The following CHD6 variants were observed in gnomAD, a reference collection of about 807,000 sequenced individuals.
CHD6 encodes ATP-dependent chromatin remodeler CHD6.
Under a neutral mutation model 276.9 loss-of-function variants are expected in CHD6, and 50 were observed. That is an observed-to-expected ratio of 0.18 (90% CI 0.14 to 0.23). The LOEUF (loss-of-function observed/expected upper bound fraction) is 0.23. Ranked by LOEUF, CHD6 falls within the 10% of genes least tolerant of loss-of-function variation. The pLI is 1.00. For missense variants in CHD6, 2,564 were observed against 3,365.8 expected (o/e 0.76, Z 5.89); for synonymous variants, 1,173 against 1,229.3 (o/e 0.95, Z 0.96).
At chr20:41,428,437 G>T (rs866471757) in intron 27 of CHD6, among the ~76,000 whole-genome samples, 1 of 152,162 alleles carries the variant, frequency 6.6e-6, no homozygotes, top group Admixed American at 6.5e-5. Flanking sequence ...TGATTAACTT[G>T]AAAGAAATGT....
chr20:41,520,910 C>T (rs1032437933), intron 3 of CHD6, among the ~76,000 whole-genome samples: 7 of 152,000 alleles, frequency 4.6e-5, no homozygotes, highest in African/African-American at 1.7e-4. Flanking sequence ...GTATAATATG[C>T]TACCTTTTGT....
intron 2 of CHD6, among the ~76,000 whole-genome samples, chr20:41,540,713 G>T (rs534159121): frequency 6.6e-6 from 1 of 152,162 alleles, no homozygotes; most frequent in Non-Finnish European, 1.5e-5. Context: ...CCTGCTGCTG[G>T]CTGGCTTTGG....
chr20:41,427,077 T>C (rs2047387588), intron 27 of CHD6, among the ~76,000 whole-genome samples: 1 of 152,068 alleles, frequency 6.6e-6, no homozygotes, highest in Non-Finnish European at 1.5e-5. Flanking sequence ...GAATGGTTCT[T>C]ACGTTTTTAA....
intron 4 of CHD6, among the ~76,000 whole-genome samples, chr20:41,514,217 T>C (rs1334415726): frequency 6.6e-6 from 1 of 152,190 alleles, no homozygotes; most frequent in Non-Finnish European, 1.5e-5. Flanking sequence ...CTCAGATAAA[T>C]TGCTAAGAAT....
At position 41,484,532 on chromosome 20, in the gene CHD6, G is replaced by A; in HGVS notation, c.2077C>T (p.Pro693Ser). The change falls in exon 15 of 37, where the codon CCC becomes TCC. Residue 693 changes from proline (P) to serine (S), a missense_variant. This residue lies in a region of CHD6 where 457 missense variants were observed against 889.0 expected (regional missense o/e 0.51). Transcript: ENST00000373233. ...LKDDVEKNLA[P>S]KQETIIEVEL... ...ACCTCAATGATCGTCTCTTGTTTGGGAGCAAGGTTCTTTTCCACATCATCT... is the reference window on the plus strand; with the variant it reads ...ACCTCAATGATCGTCTCTTGTTTGGAAGCAAGGTTCTTTTCCACATCATCT... The A allele has an allele frequency of 1.2e-6, 2 of 1,613,878 alleles. No homozygotes were observed. The highest frequency in any genetic ancestry group is 1.1e-5 in the South Asian group (1 of 91,066).
chr20:41,501,283 C>G (rs2043823633), intron 5 of CHD6, among the ~76,000 whole-genome samples: 1 of 152,184 alleles, frequency 6.6e-6, no homozygotes, highest in Admixed American at 6.5e-5. Context: ...GTATGGCATA[C>G]TTGTAGTATG....
chr20:41,557,541 C>T (rs1247089405), intron 1 of CHD6, among the ~76,000 whole-genome samples: 1 of 152,106 alleles, frequency 6.6e-6, no homozygotes, highest in Non-Finnish European at 1.5e-5. Context: ...CAGGTTCACC[C>T]TATTCAACCA....
intron 2 of CHD6, among the ~76,000 whole-genome samples, chr20:41,545,782 C>T (rs764117700): frequency 6.6e-6 from 1 of 152,112 alleles, no homozygotes; most frequent in Admixed American, 6.6e-5. Context: ...CCCTTCCCAC[C>T]ACGTCTTTCA....
intron 1 of CHD6, among the ~76,000 whole-genome samples, chr20:41,599,880 A>C (rs2045756473): frequency 6.6e-6 from 1 of 152,162 alleles, no homozygotes; most frequent in Non-Finnish European, 1.5e-5. Flanking sequence ...CATTTTAAAC[A>C]CTAGCCAATT....
At chr20:41,416,486 C>T in intron 33 of CHD6, 102 bp downstream of exon 33, 1 of 1,134,600 alleles carries the variant, frequency 8.8e-7, no homozygotes, top group Non-Finnish European at 1.3e-6. Context: ...AAAAAAACCC[C>T]TATCCACTCA....
rs2046583030 is a variant in CHD6, at chr20:41,403,369, G to GTTC, written c.*1223_*1224insGAA. On this transcript the variant is annotated 3_prime_UTR_variant, in exon 37 of 37. Coordinates refer to ENST00000373233, the MANE Select transcript of CHD6 (RefSeq NM_032221.5). ...GTTAACATGAAGGTGAAAGGACATG[G>GTTC]GGAAGTGCTGCTTAGGCAGTTTCTT... is the stretch of plus-strand genomic sequence containing the variant. The GTTC allele has an allele frequency of 9.4e-7, 1 of 1,062,626 alleles. No homozygotes were observed. Among genetic ancestry groups the GTTC allele is most frequent in the Admixed American group, 5.4e-5 (1 of 18,610 alleles). 65.8% of individuals were successfully genotyped at this position (1,062,626 alleles called of 1,614,324 possible).
At chr20:41,407,411 C>T (rs1001589777) in intron 36 of CHD6, among the ~76,000 whole-genome samples, 5 of 152,242 alleles carry the variant, frequency 3.3e-5, no homozygotes, top group Non-Finnish European at 5.9e-5. Context: ...CCCCACAGAA[C>T]GCAGAGAAAG....
chr20:41,518,789 A>T (rs932295617), intron 3 of CHD6, among the ~76,000 whole-genome samples: 1 of 152,168 alleles, frequency 6.6e-6, no homozygotes, highest in Non-Finnish European at 1.5e-5. Context: ...TTCAAATAGG[A>T]TATTAAGAAA....
intron 2 of CHD6, among the ~76,000 whole-genome samples, chr20:41,538,429 G>A (rs2044877923): frequency 6.6e-6 from 1 of 152,194 alleles, no homozygotes; most frequent in Non-Finnish European, 1.5e-5. Context: ...TTGAAAACAG[G>A]CTAAATGAAA....
chr20:41,449,154 C>T (rs1043937728), intron 23 of CHD6, among the ~76,000 whole-genome samples: 18 of 152,180 alleles, frequency 1.2e-4, no homozygotes, highest in African/African-American at 2.2e-4. Context: ...TCACCCGCCC[C>T]GGCCTCCCAA....
chr20:41,566,045 C>G (rs1448833289), intron 1 of CHD6, among the ~76,000 whole-genome samples: 1 of 152,086 alleles, frequency 6.6e-6, no homozygotes, highest in African/African-American at 2.4e-5. Flanking sequence ...GGTGACTCTG[C>G]TGACATCCAT....
intron 1 of CHD6, among the ~76,000 whole-genome samples, chr20:41,563,296 CT>C (rs1050793937): frequency 6.6e-6 from 1 of 152,164 alleles, no homozygotes; most frequent in Non-Finnish European, 1.5e-5. Context: ...AATAACAAGG[CT>C]TTTACTCACT....
chr20:41,439,955 G>A (rs749375428), intron 26 of CHD6, 45 bp downstream of exon 26: 2 of 1,605,848 alleles, frequency 1.2e-6, no homozygotes, highest in Admixed American at 1.7e-5. Flanking sequence ...TCACAGATCA[G>A]TGGCATGGCA....
intron 2 of CHD6, among the ~76,000 whole-genome samples, chr20:41,549,020 C>T (rs73613205): frequency 0.024 from 3,651 of 151,936 alleles, 57 homozygotes; most frequent in South Asian, 0.043. Flanking sequence ...TGTGGAGAAA[C>T]AGGAACACTT....
Sources: allele counts gnomAD v4.1 joint callset (sites outside exome capture counted in the v4.1 genomes callset), GRCh38; gene constraint gnomAD v4.1.1; regional missense constraint gnomAD v4.1.1; transcripts MANE v1.5; gene names NCBI Gene and HGNC (gene_info 2026-07-23, HGNC 2026-07-21).